EXOC6B: variants seen among roughly 807,000 people sequenced by gnomAD.
EXOC6B encodes the protein exocyst complex component 6B.
In EXOC6B, 54 loss-of-function variants were observed where a neutral mutation model predicts 113.5. That is an observed-to-expected ratio of 0.48 (90% confidence interval 0.38 to 0.60). The LOEUF (loss-of-function observed/expected upper bound fraction) is 0.60. EXOC6B is among the 20% of genes least tolerant of loss of function. The pLI is 0.00. For synonymous variants in EXOC6B, 357 were observed against 339.0 expected (o/e 1.05, Z -0.58); for missense variants, 797 against 977.5 (o/e 0.82, Z 2.46).
chr2:72,471,761 T>C (rs1301878723), intron 17 of EXOC6B, among the ~76,000 whole-genome samples: 1 of 152,212 alleles, frequency 6.6e-6, no homozygotes, highest in South Asian at 2.1e-4. Flanking sequence ...GTAGTGAGAA[T>C]GAGCATCCTT....
At chr2:72,492,996 C>T (rs922689474) in intron 15 of EXOC6B, among the ~76,000 whole-genome samples, 1 of 152,116 alleles carries the variant, frequency 6.6e-6, no homozygotes. Flanking sequence ...TCCCAGTTAT[C>T]TCAGTCTTCT....
At chr2:72,290,796 C>T (rs1026889025) in intron 20 of EXOC6B, among the ~76,000 whole-genome samples, 5 of 151,840 alleles carry the variant, frequency 3.3e-5, no homozygotes, top group African/African-American at 1.2e-4. Flanking sequence ...GATTTCCAAA[C>T]AATTCAATAA....
chr2:72,552,122 A>G (rs1475613394), intron 8 of EXOC6B, among the ~76,000 whole-genome samples: 2 of 152,226 alleles, frequency 1.3e-5, no homozygotes. Context: ...CCACATGCCA[A>G]GTAATGTTGG....
chr2:72,506,764 G>T (rs1700617567), intron 11 of EXOC6B, among the ~76,000 whole-genome samples: 1 of 152,056 alleles, frequency 6.6e-6, no homozygotes, highest in Non-Finnish European at 1.5e-5. Flanking sequence ...TGTCTCCCAT[G>T]TGATATAATT....
intron 20 of EXOC6B, among the ~76,000 whole-genome samples, chr2:72,312,741 G>A (rs1024117676): frequency 1.4e-5 from 2 of 145,490 alleles, no homozygotes; most frequent in Admixed American, 1.4e-4. Context: ...GGCAACAAGA[G>A]CAAGACTTTG....
At chr2:72,701,577 G>C (rs1194812476) in intron 6 of EXOC6B, among the ~76,000 whole-genome samples, 1 of 151,990 alleles carries the variant, frequency 6.6e-6, no homozygotes, top group African/African-American at 2.4e-5. Flanking sequence ...GGTTCTGTGG[G>C]AACAAAAAGA....
intron 20 of EXOC6B, among the ~76,000 whole-genome samples, chr2:72,258,862 C>T (rs1683524087): frequency 6.6e-6 from 1 of 152,132 alleles, no homozygotes; most frequent in Non-Finnish European, 1.5e-5. Context: ...TTCAAACATA[C>T]AGATAGTTGA....
At chr2:72,746,844 C>A (rs1007926836) in intron 1 of EXOC6B, among the ~76,000 whole-genome samples, 9 of 151,980 alleles carry the variant, frequency 5.9e-5, no homozygotes, top group African/African-American at 1.9e-4. Context: ...ACAAGGAAAG[C>A]AAGCAGGTGG....
At chr2:72,655,114 A>G (rs1451444418) in intron 6 of EXOC6B, among the ~76,000 whole-genome samples, 1 of 152,144 alleles carries the variant, frequency 6.6e-6, no homozygotes, top group Non-Finnish European at 1.5e-5. Flanking sequence ...TGAGACACAT[A>G]TTCAGTGTCC....
intron 20 of EXOC6B, among the ~76,000 whole-genome samples, chr2:72,315,260 T>A (rs969770432): frequency 6.6e-6 from 1 of 152,104 alleles, no homozygotes; most frequent in Non-Finnish European, 1.5e-5. Context: ...GTACCCAGCA[T>A]GTCTAGGAAA....
intron 10 of EXOC6B, among the ~76,000 whole-genome samples, chr2:72,514,076 C>T (rs1701086565): frequency 6.6e-6 from 1 of 152,076 alleles, no homozygotes; most frequent in African/African-American, 2.4e-5. Flanking sequence ...TATATACACC[C>T]TAGATGAGGG....
chr2:72,625,514 C>T (rs1021510901), intron 6 of EXOC6B, among the ~76,000 whole-genome samples: 4 of 152,066 alleles, frequency 2.6e-5, no homozygotes, highest in African/African-American at 9.7e-5. Flanking sequence ...ATAAAGAGGA[C>T]AAGGAAACGT....
In EXOC6B at chr2:72,179,214, A is replaced by T; in HGVS notation, c.*121T>A. On this transcript the variant is annotated 3_prime_UTR_variant, in exon 22 of 22. Coordinates refer to ENST00000272427, the MANE Select transcript of EXOC6B (RefSeq NM_015189.3). The stretch of plus-strand genomic sequence containing the variant: ...GTTATGTGAATACTGCACAGGGGTT[A>T]ATAAAAAAATACATATGCTCTCTTT... 8.8e-7 allele frequency: 1 copy of T among 1,130,864 alleles called. No individual in the cohort carries two copies. Among genetic ancestry groups the T allele is most frequent in the Non-Finnish European group, 1.2e-6 (1 of 814,660 alleles). 70.1% of individuals were successfully genotyped at this position (1,130,864 alleles called of 1,614,324 possible). A position where few individuals can be genotyped will look rare whatever the true frequency, so the allele number is the denominator to read the frequency against.
At chr2:72,643,640 C>A (rs1387920051) in intron 6 of EXOC6B, among the ~76,000 whole-genome samples, 5 of 138,726 alleles carry the variant, frequency 3.6e-5, no homozygotes, top group South Asian at 2.4e-4. Flanking sequence ...GGAGGGATAG[C>A]ATTGGGAGAT....
chr2:72,339,711 A>T (rs1251263630), intron 19 of EXOC6B, among the ~76,000 whole-genome samples: 1 of 152,176 alleles, frequency 6.6e-6, no homozygotes, highest in Non-Finnish European at 1.5e-5. Flanking sequence ...AATGTGCAAA[A>T]TCTTTCAATG....
chr2:72,337,281 T>G (rs911740144), intron 19 of EXOC6B, among the ~76,000 whole-genome samples: 2 of 152,202 alleles, frequency 1.3e-5, no homozygotes, highest in Non-Finnish European at 2.9e-5. Flanking sequence ...TGATGGTTTC[T>G]TCCAAGGATG....
chr2:72,579,656 A>G (rs563809641), intron 6 of EXOC6B, among the ~76,000 whole-genome samples: 14 of 152,290 alleles, frequency 9.2e-5, no homozygotes, highest in African/African-American at 3.1e-4. Flanking sequence ...AGGCCATTAA[A>G]TAAACATTTA....
chr2:72,179,268 C>A lies in EXOC6B; in HGVS notation c.*67G>T. On this transcript the variant is annotated 3_prime_UTR_variant, in exon 22 of 22. Transcript: ENST00000272427. ...GAAGAATGCACAAATGCAGGGTCAG[C>A]TGGGGCTGGACCCCAGACTGACACA... 1 of 1,482,494 alleles carries A rather than the reference C, an allele frequency of 6.7e-7. No homozygotes were observed. Among genetic ancestry groups the A allele is most frequent in the Non-Finnish European group, 9.0e-7 (1 of 1,114,064 alleles). The allele number at this position is 1,482,494 out of a possible 1,614,324, so 91.8% of individuals were successfully genotyped here. A position where few individuals can be genotyped will look rare whatever the true frequency, so the allele number is the denominator to read the frequency against.
intron 20 of EXOC6B, among the ~76,000 whole-genome samples, chr2:72,266,777 T>C (rs968336488): frequency 6.6e-5 from 10 of 152,228 alleles, no homozygotes; most frequent in African/African-American, 2.2e-4. Context: ...AGTAGTTTTT[T>C]TCCAATTCTG....
Sources: gnomAD v4.1 joint callset for allele counts (sites outside exome capture counted in the v4.1 genomes callset) on GRCh38, gnomAD v4.1.1 for gene constraint, MANE v1.5 for transcripts, NCBI Gene and HGNC (gene_info 2026-07-23, HGNC 2026-07-21) for gene names.